Variants in SND1 observed in about 807,000 individuals in gnomAD.
SND1 encodes staphylococcal nuclease domain-containing protein 1.
SND1 carries 38 observed loss-of-function variants against 121.7 expected under a neutral mutation model. The ratio of observed to expected loss-of-function variants is 0.31; its 90% CI spans 0.24 to 0.41. The LOEUF is 0.41. Among genes scored for constraint, SND1 ranks in the 10% least tolerant of loss-of-function variants. The pLI, the probability that SND1 is intolerant of heterozygous loss-of-function variation, is 1.00. For missense variants in SND1, 868 were observed against 1,184.6 expected (o/e 0.73, Z 3.92); for synonymous variants, 401 against 447.4 (o/e 0.90, Z 1.31).
At chr7:128,078,154 G>A (rs763014522) in intron 17 of SND1, among the ~76,000 whole-genome samples, 3 of 152,186 alleles carry the variant, frequency 2.0e-5, no homozygotes, top group Non-Finnish European at 2.9e-5. Flanking sequence ...TTCTAAGGAT[G>A]GGGACAAGGG....
At chr7:127,665,188 CA>C (rs1463251012) in intron 1 of SND1, among the ~76,000 whole-genome samples, 249 of 150,316 alleles carry the variant, frequency 1.7e-3, no homozygotes, top group African/African-American at 5.7e-3. Flanking sequence ...TGACAGTCAA[CA>C]TTTTTTTTTT....
intron 14 of SND1, among the ~76,000 whole-genome samples, chr7:127,923,037 A>C (rs1254733395): frequency 2.0e-5 from 3 of 152,202 alleles, no homozygotes; most frequent in African/African-American, 7.2e-5. Context: ...CACCCAGGGT[A>C]GAGTGTTGTG....
At chr7:127,957,004 C>T (rs1015075894) in intron 15 of SND1, among the ~76,000 whole-genome samples, 3 of 152,130 alleles carry the variant, frequency 2.0e-5, no homozygotes, top group African/African-American at 4.8e-5. Flanking sequence ...CAATAGAGAC[C>T]GTTTCCCTAA....
chr7:127,825,866 T>G (rs1274223366), intron 11 of SND1, among the ~76,000 whole-genome samples: 1 of 152,250 alleles, frequency 6.6e-6, no homozygotes, highest in African/African-American at 2.4e-5. Flanking sequence ...TATACATTTA[T>G]ATTCTAATCT....
chr7:127,698,988 C>A (rs545285121), intron 4 of SND1, 35 bp downstream of exon 4: 23 of 1,562,478 alleles, frequency 1.5e-5, no homozygotes, highest in Admixed American at 3.4e-5. Context: ...TCTCTGACAG[C>A]GGTAAATTGG....
At chr7:127,910,742 G>T (rs1263778762) in intron 14 of SND1, among the ~76,000 whole-genome samples, 2 of 151,962 alleles carry the variant, frequency 1.3e-5, no homozygotes, top group Non-Finnish European at 2.9e-5. Context: ...ACCCCACTTG[G>T]CTAAAATCAT....
chr7:127,775,320 TC>T (rs1415898735), intron 10 of SND1, among the ~76,000 whole-genome samples: 1 of 150,122 alleles, frequency 6.7e-6, no homozygotes, highest in Non-Finnish European at 1.5e-5. Context: ...TGTGGCACAT[TC>T]CCCCACCCCC....
intron 11 of SND1, among the ~76,000 whole-genome samples, chr7:127,826,321 G>A (rs1798642290): frequency 6.6e-6 from 1 of 151,916 alleles, no homozygotes; most frequent in Non-Finnish European, 1.5e-5. Context: ...ACTGGTGTAT[G>A]TTCATCTTAT....
chr7:127,817,721 C>CTTTT (rs72233818), intron 11 of SND1, among the ~76,000 whole-genome samples: 19 of 104,096 alleles, frequency 1.8e-4, no homozygotes, highest in South Asian at 3.2e-4. Context: ...TTCCTTCATA[C>CTTTT]TTTTTTTTTT....
intron 10 of SND1, among the ~76,000 whole-genome samples, chr7:127,727,496 C>T (rs184529746): frequency 6.6e-6 from 1 of 152,254 alleles, no homozygotes; most frequent in African/African-American, 2.4e-5. Flanking sequence ...AGACACGTGC[C>T]AACAGAAAGC....
chr7:128,042,817 T>C (rs1249797127), intron 16 of SND1, among the ~76,000 whole-genome samples: 2 of 152,210 alleles, frequency 1.3e-5, no homozygotes, highest in African/African-American at 2.4e-5. Context: ...CCACCAACCC[T>C]GTCTTGTTTT....
At chr7:127,962,558 T>C (rs781712813) in intron 15 of SND1, among the ~76,000 whole-genome samples, 4 of 152,228 alleles carry the variant, frequency 2.6e-5, no homozygotes, top group Admixed American at 6.5e-5. Context: ...TTTCTGTCTT[T>C]AGGAATGCCC....
In SND1 at chr7:127,803,343, T is replaced by C. The variant is rs1196117355; in HGVS notation, c.1153-4141T>C. On this transcript the variant is annotated intron_variant, in intron 10 of 23. Coordinates refer to ENST00000354725, the MANE Select transcript of SND1 (RefSeq NM_014390.4). ...CATGTTCTTTTTTCCATTTCACTTA[T>C]CCCTACTGTCAGTGCTTTCTTTGAC... 2.0e-5 allele frequency among the ~76,000 whole-genome samples: 3 copies of C among 152,192 alleles called. No homozygotes were observed. In the East Asian group the frequency reaches 5.8e-4, roughly 29 times the overall value.
chr7:128,059,741 G>A (rs1747820766), intron 16 of SND1, among the ~76,000 whole-genome samples: 1 of 152,110 alleles, frequency 6.6e-6, no homozygotes, highest in South Asian at 2.1e-4. Context: ...CTTGGAAGCT[G>A]TCTTTGTTAG....
In SND1 at chr7:128,085,328, G is replaced by C. The variant is rs923727036; in HGVS notation, c.2235-383G>C. On this transcript the variant is annotated intron_variant, in intron 19 of 23. Coordinates refer to ENST00000354725, the MANE Select transcript of SND1 (RefSeq NM_014390.4). This position sits in a 1 kb window ranked among gnomAD's most constrained non-coding sequence, Gnocchi z 4.4. ...AAGGGAGGGCCCATGGCCTTCCCAG[G>C]GTGACGAAGTGACTTGGATATGTTC... Among the ~76,000 whole-genome samples the C allele has an allele frequency of 6.6e-6, 1 of 152,094 alleles. No individual in the cohort carries two copies. Among genetic ancestry groups the C allele is most frequent in the African/African-American group, 2.4e-5 (1 of 41,454 alleles).
intron 12 of SND1, among the ~76,000 whole-genome samples, chr7:127,869,799 G>A (rs1216335181): frequency 6.6e-6 from 1 of 152,142 alleles, no homozygotes; most frequent in East Asian, 1.9e-4. Flanking sequence ...TCTCCCTAGT[G>A]CCACCCCTTC....
At position 128,050,982 on chromosome 7, in the gene SND1, G is replaced by A. The variant is rs1045065996; in HGVS notation, c.1780-23520G>A. On this transcript the variant is annotated intron_variant, in intron 16 of 23. Transcript: ENST00000354725. ...ACCAAATCCACCGCTGGGCCCATGC[G>A]AGTGGCAGTAGCTTCACTTGCTTGA... Among the ~76,000 whole-genome samples, 9 of 152,324 alleles carry A rather than the reference G, an allele frequency of 5.9e-5. 1 individual carries two copies. In the East Asian group the frequency reaches 9.6e-4, roughly 16 times the overall value.
intron 15 of SND1, among the ~76,000 whole-genome samples, chr7:127,949,823 G>A (rs1286903127): frequency 6.6e-6 from 1 of 152,152 alleles, no homozygotes; most frequent in Non-Finnish European, 1.5e-5. Context: ...AGCACTAATG[G>A]CCAGCTGTGT....
intron 11 of SND1, among the ~76,000 whole-genome samples, chr7:127,839,360 G>T (rs1173471536): frequency 6.6e-6 from 1 of 152,152 alleles, no homozygotes; most frequent in African/African-American, 2.4e-5. Context: ...ATGCCCCAAA[G>T]CCTTACGTAA....
Sources: gnomAD v4.1 joint callset for allele counts (sites outside exome capture counted in the v4.1 genomes callset) on GRCh38, gnomAD v4.1.1 for gene constraint, Gnocchi (gnomAD v3.1) non-coding constraint, MANE v1.5 for transcripts, NCBI Gene and HGNC (gene_info 2026-07-23, HGNC 2026-07-21) for gene names.